Variants in DST observed in about 807,000 individuals in gnomAD.
DST encodes dystonin, also known as bullous pemphigoid antigen.
Under a neutral mutation model 875.2 loss-of-function variants are expected in DST, and 253 were observed. The observed-to-expected ratio is 0.29, with a 90% CI of 0.26 to 0.32. DST has a LOEUF of 0.32. Among genes scored for constraint, DST ranks in the 10% least tolerant of loss-of-function variants. The pLI, the probability that DST is intolerant of heterozygous loss-of-function variation, is 1.00. For synonymous variants in DST, 3,124 were observed against 3,197.1 expected (o/e 0.98, Z 0.77); for missense variants, 8,287 against 9,111.6 (o/e 0.91, Z 3.68).
rs781420170 is a variant in DST at position 56,517,489 on chromosome 6, G to T, written c.18249+12C>A. On this transcript the variant is annotated intron_variant, in intron 70 of 103. Transcript: ENST00000680361. ...AATAATTCATATGGCAATTGGAAATGTATTTCTTCACCTTTTGAACTTGAA... is the reference window on the plus strand; with the variant it reads ...AATAATTCATATGGCAATTGGAAATTTATTTCTTCACCTTTTGAACTTGAA... 1 of 1,610,520 alleles carries T rather than the reference G, an allele frequency of 6.2e-7. No individual in the cohort carries two copies. Among genetic ancestry groups the T allele is most frequent in the African/African-American group, 1.3e-5 (1 of 74,852 alleles).
At chr6:56,645,113 T>C (rs1337617904) in intron 15 of DST, among the ~76,000 whole-genome samples, 1 of 152,210 alleles carries the variant, frequency 6.6e-6, no homozygotes, top group Non-Finnish European at 1.5e-5. Context: ...CTCTTTCCTT[T>C]ATAAATTACC....
intron 3 of DST, chr6:56,863,061 C>G (rs1313518130): frequency 1.3e-5 from 2 of 152,260 alleles, no homozygotes; most frequent in African/African-American, 2.4e-5. Flanking sequence ...GCATTTTCTT[C>G]CAACTATAGC....
In DST at chr6:56,620,011, T is replaced by C. The variant is rs2152738824; in HGVS notation, c.4929+4519A>G. 6.2e-7 allele frequency: 1 copy of C among 1,614,168 alleles called. No homozygotes were observed. Among genetic ancestry groups the C allele is most frequent in the Non-Finnish European group, 8.5e-7 (1 of 1,180,044 alleles). On this transcript the variant is annotated intron_variant, in intron 36 of 103. Coordinates refer to ENST00000680361, the MANE Select transcript of DST (RefSeq NM_001374736.1). ...TTACTGCCCTGCATGATGTAGCCTG[T>C]GTGATCGGACACACTGGCAATGCAT...
intron 5 of DST, among the ~76,000 whole-genome samples, chr6:56,715,918 G>A (rs1468357352): frequency 6.6e-6 from 1 of 152,144 alleles, no homozygotes; most frequent in Non-Finnish European, 1.5e-5. Context: ...CCTGTGAAGA[G>A]GGTACATAAG....
chr6:56,904,872 C>A (rs1057507734), intron 2 of DST, among the ~76,000 whole-genome samples: 2 of 152,312 alleles, frequency 1.3e-5, no homozygotes, highest in South Asian at 2.1e-4. Flanking sequence ...TCACTGCAAC[C>A]GCCGCCTCCC....
chr6:56,912,283 T>C (rs1176234829), intron 2 of DST, among the ~76,000 whole-genome samples: 1 of 152,224 alleles, frequency 6.6e-6, no homozygotes, highest in African/African-American at 2.4e-5. Context: ...CCCCAGTCTC[T>C]AATCCTGACC....
chr6:56,520,776 C>T (rs1016174314), intron 69 of DST, among the ~76,000 whole-genome samples: 2 of 151,770 alleles, frequency 1.3e-5, no homozygotes, highest in South Asian at 2.1e-4. Flanking sequence ...CTGTGGGTAA[C>T]GTCTCACCTA....
chr6:56,769,024 C>T (rs1220155607), intron 4 of DST, among the ~76,000 whole-genome samples: 1 of 152,072 alleles, frequency 6.6e-6, no homozygotes, highest in African/African-American at 2.4e-5. Context: ...GCAATATACA[C>T]ATATATTTGC....
In DST at chr6:56,528,857, T is replaced by C; in HGVS notation, c.17664A>G (p.Leu5888=). 2 of 1,576,932 alleles carry C rather than the reference T, an allele frequency of 1.3e-6. No homozygotes were observed. The highest frequency in any genetic ancestry group is 1.3e-5 in the African/African-American group (1 of 74,570). The change falls in exon 67 of 104, where the codon CTA becomes CTG. Residue 5888 remains leucine (L), a synonymous_variant. Coordinates refer to ENST00000680361, the MANE Select transcript of DST (RefSeq NM_001374736.1). ...ATATCTCACCTGTGGTTTGTTTAAGTAGTTCTAAACCATTTAGTAAAGCCT... is the reference window on the plus strand; with the variant it reads ...ATATCTCACCTGTGGTTTGTTTAAGCAGTTCTAAACCATTTAGTAAAGCCT... ...VDQALLNGLE[L]LKQTTGDEVL... is the part of the protein sequence containing the mutation.
chr6:56,939,842 T>A (rs953953826), intron 2 of DST, among the ~76,000 whole-genome samples: 1 of 151,906 alleles, frequency 6.6e-6, no homozygotes, highest in African/African-American at 2.4e-5. Flanking sequence ...CTGGCCAACA[T>A]GATGAAACCC....
At chr6:56,774,186 G>C (rs1185966925) in intron 4 of DST, among the ~76,000 whole-genome samples, 1 of 150,726 alleles carries the variant, frequency 6.6e-6, no homozygotes, top group Non-Finnish European at 1.5e-5. Flanking sequence ...AGTTATCCAT[G>C]ACTATCCATG....
At chr6:56,868,497 G>A (rs1414636775) in intron 3 of DST, among the ~76,000 whole-genome samples, 1 of 152,190 alleles carries the variant, frequency 6.6e-6, no homozygotes, top group East Asian at 1.9e-4. Context: ...GAGATATTGT[G>A]TATTGAGTAG....
chr6:56,697,106 T>C (rs1250738926), intron 9 of DST, among the ~76,000 whole-genome samples: 1 of 152,102 alleles, frequency 6.6e-6, no homozygotes, highest in African/African-American at 2.4e-5. Context: ...AGAAAGTAAG[T>C]GCTTTTCCCC....
rs1045039593 is a variant in DST, at chr6:56,631,936, G to C, written c.3910C>G (p.Pro1304Ala). The stretch of plus-strand genomic sequence containing the variant: ...TCATGCAAATCATCTCTTTCCAGGG[G>C]AGTTCGAATCTGTCTAATCAGCCGA... ...EDRLIRQIRTPLERDDLHESV... is the reference protein window; with the variant it reads ...EDRLIRQIRTALERDDLHESV... The change falls in exon 29 of 104, where the codon CCC becomes GCC. Residue 1304 changes from proline (P) to alanine (A), a missense_variant. By Grantham distance (27) the Pro-to-Ala change is conservative. This residue lies in a region of DST where 3,138 missense variants were observed against 3,116.6 expected (regional missense o/e 1.01). Transcript: ENST00000680361. 4 of 1,613,798 alleles carry C rather than the reference G, an allele frequency of 2.5e-6. No homozygotes were observed. The highest frequency in any genetic ancestry group is 3.4e-6 in the Non-Finnish European group (4 of 1,179,916).
intron 4 of DST, among the ~76,000 whole-genome samples, chr6:56,801,644 T>A (rs561491884): frequency 2.0e-5 from 3 of 152,186 alleles, no homozygotes; most frequent in East Asian, 3.9e-4. Flanking sequence ...TTACATATAA[T>A]GTTTGAGAAG....
chr6:56,482,625 T>C, intron 89 of DST, 58 bp downstream of exon 89: 1 of 1,543,774 alleles, frequency 6.5e-7, no homozygotes, highest in Non-Finnish European at 8.8e-7. Context: ...AGAATAGTTC[T>C]TGTTGAGGTT....
chr6:56,518,064 C>T (rs544264951), intron 69 of DST, among the ~76,000 whole-genome samples: 14 of 152,140 alleles, frequency 9.2e-5, no homozygotes, highest in Admixed American at 2.6e-4. Context: ...AGAATATCCC[C>T]ATTTATTTAT....
intron 3 of DST, among the ~76,000 whole-genome samples, chr6:56,888,946 A>G (rs1009868320): frequency 6.6e-6 from 1 of 152,158 alleles, no homozygotes; most frequent in Non-Finnish European, 1.5e-5. Flanking sequence ...ATTTCCTGCT[A>G]TTTTCTCTAG....
chr6:56,618,146 C>A, intron 36 of DST: 1 of 1,614,114 alleles, frequency 6.2e-7, no homozygotes, highest in African/African-American at 1.3e-5. Context: ...TAACTCGGTG[C>A]TTGTCTGAGA....
Sources: allele counts gnomAD v4.1 joint callset (sites outside exome capture counted in the v4.1 genomes callset), GRCh38; gene constraint gnomAD v4.1.1; regional missense constraint gnomAD v4.1.1; transcripts MANE v1.5; gene names NCBI Gene and HGNC (gene_info 2026-07-23, HGNC 2026-07-21).